CASS4: variants seen among roughly 807,000 people sequenced by gnomAD.
CASS4 encodes Cas scaffold protein family member 4.
Under a neutral mutation model 54.2 loss-of-function variants are expected in CASS4, and 22 were observed. The observed-to-expected ratio is 0.41, with a 90% CI of 0.29 to 0.58. The LOEUF (loss-of-function observed/expected upper bound fraction) is 0.58. Among genes scored for constraint, CASS4 ranks in the 20% least tolerant of loss-of-function variants. CASS4 has a pLI of 0.36. For missense variants in CASS4, 854 were observed against 986.7 expected (o/e 0.87, Z 1.80); for synonymous variants, 409 against 391.5 (o/e 1.04, Z -0.53).
chr20:56,450,466 A>G, intron 3 of CASS4, 133 bp from the exon 4 acceptor site: 5 of 792,636 alleles, frequency 6.3e-6, no homozygotes, highest in Non-Finnish European at 1.0e-5. Context: ...CAGCATCATG[A>G]CCAAAAGCAC....
At chr20:56,432,952 C>T (rs949901535) in intron 1 of CASS4, among the ~76,000 whole-genome samples, 1 of 152,214 alleles carries the variant, frequency 6.6e-6, no homozygotes, top group African/African-American at 2.4e-5. Context: ...TAGGAGCGCT[C>T]ATCCTGGTGT....
Position 56,430,357 on chromosome 20 carries a change from G to A in CASS4, c.37-6807G>A, listed in dbSNP as rs1434260750. On this transcript the variant is annotated intron_variant, in intron 1 of 5. Coordinates refer to ENST00000679887, the MANE Select transcript of CASS4 (RefSeq NM_020356.4). The surrounding 1 kb of genome is among the most constrained non-coding windows in gnomAD (Gnocchi z 4.2). Reference sequence around the variant, plus strand: ...CTGTTGTATGAAGATGGGCATTTGGGGGAAATGTCCTTTTTGGAAATCGTT... The same window carrying A: ...CTGTTGTATGAAGATGGGCATTTGGAGGAAATGTCCTTTTTGGAAATCGTT... Among the ~76,000 whole-genome samples, 1 of 152,120 alleles carries A rather than the reference G, an allele frequency of 6.6e-6. No individual in the cohort carries two copies.
In CASS4 at chr20:56,452,814, T is replaced by G; in HGVS notation, c.1638T>G (p.Val546=). The part of the protein sequence containing the change: ...SLDNRNWPLE[V]LVTDSVQNSP... ...ATAATCGCAATTGGCCTCTGGAAGT[T>G]CTTGTGACTGACAGTGTCCAGAACA... The change falls in exon 5 of 6, where the codon GTT becomes GTG. Residue 546 remains valine (V), a synonymous_variant. Transcript: ENST00000679887. The G allele has an allele frequency of 6.2e-7, 1 of 1,614,020 alleles. No individual in the cohort carries two copies. The highest frequency in any genetic ancestry group is 8.5e-7 in the Non-Finnish European group (1 of 1,180,008).
intron 1 of CASS4, among the ~76,000 whole-genome samples, chr20:56,428,442 T>A (rs1339865824): frequency 6.6e-6 from 1 of 152,180 alleles, no homozygotes; most frequent in Non-Finnish European, 1.5e-5. Flanking sequence ...CTATTAACGT[T>A]GAGTTTGCAA....
Position 56,452,973 on chromosome 20 carries a change from G to A in CASS4, c.1797G>A (p.Gln599=). The change falls in exon 5 of 6, where the codon CAG becomes CAA. Residue 599 remains glutamine, a synonymous_variant. Transcript: ENST00000679887. The part of the protein sequence containing the change: ...KRNCEKEETV[Q]LTPNAEFKCE... Reference sequence around the variant, plus strand: ...ACTGTGAAAAGGAAGAGACTGTGCAGTTGACCCCAAATGCAGAATTTAAGT... The same window carrying A: ...ACTGTGAAAAGGAAGAGACTGTGCAATTGACCCCAAATGCAGAATTTAAGT... The A allele has an allele frequency of 6.2e-7, 1 of 1,614,112 alleles. No homozygotes were observed.
chr20:56,439,872 C>T (rs1414668471), intron 2 of CASS4, among the ~76,000 whole-genome samples: 1 of 152,202 alleles, frequency 6.6e-6, no homozygotes, highest in African/African-American at 2.4e-5. Flanking sequence ...TTGCTTTCAG[C>T]TCCCATGACA....
At chr20:56,434,382 G>C (rs1980055749) in intron 1 of CASS4, among the ~76,000 whole-genome samples, 1 of 152,174 alleles carries the variant, frequency 6.6e-6, no homozygotes, top group Admixed American at 6.5e-5. Flanking sequence ...CCAAGCCACT[G>C]TTTTAAAGAA....
intron 1 of CASS4, among the ~76,000 whole-genome samples, chr20:56,422,750 A>T (rs147992661): frequency 6.6e-6 from 1 of 152,236 alleles, no homozygotes; most frequent in Admixed American, 6.5e-5. Flanking sequence ...GTTATCATGG[A>T]GAACCAGTTA....
intron 2 of CASS4, among the ~76,000 whole-genome samples, chr20:56,440,664 G>A (rs1179469197): frequency 1.3e-5 from 2 of 152,208 alleles, no homozygotes; most frequent in Non-Finnish European, 2.9e-5. Context: ...ACTGACATCC[G>A]TGTGAAAGGA....
At chr20:56,446,647 C>T (rs1980728236) in intron 3 of CASS4, among the ~76,000 whole-genome samples, 1 of 152,120 alleles carries the variant, frequency 6.6e-6, no homozygotes, top group South Asian at 2.1e-4. Context: ...TCCAAATGCT[C>T]TGCGGTGGCG....
intron 5 of CASS4, among the ~76,000 whole-genome samples, chr20:56,456,972 C>A (rs1464963942): frequency 1.3e-5 from 2 of 152,228 alleles, no homozygotes; most frequent in Non-Finnish European, 2.9e-5. Context: ...AGGTGTGGGT[C>A]ACTGCACTCA....
At position 56,458,758 on chromosome 20, in the gene CASS4, C is replaced by A. The variant is rs149315196; in HGVS notation, c.*11C>A. 12,859 of 1,576,166 alleles carry A rather than the reference C, an allele frequency of 8.2e-3. 75 individuals carry two copies. The highest frequency in any genetic ancestry group is 9.6e-3 in the Non-Finnish European group (11,061 of 1,157,346). ...GGGACACTGGGATGAGGACTGTCTA[C>A]CTCCCTTCCTCCTCTGCTCACCTCT... On this transcript the variant is annotated 3_prime_UTR_variant, in exon 6 of 6. Transcript: ENST00000679887.
intron 2 of CASS4, among the ~76,000 whole-genome samples, chr20:56,442,402 A>G (rs896423866): frequency 2.0e-5 from 3 of 151,768 alleles, no homozygotes; most frequent in African/African-American, 7.3e-5. Flanking sequence ...TCACCCCCCA[A>G]AACACAGCCC....
At chr20:56,458,014 CAAA>C (rs11355939) in intron 5 of CASS4, among the ~76,000 whole-genome samples, 5 of 76,528 alleles carry the variant, frequency 6.5e-5, no homozygotes, top group African/African-American at 5.7e-5. Flanking sequence ...AACTCTGTCT[CAAA>C]AAAAAAAAAA....
At chr20:56,441,798 G>GT (rs1980472623) in intron 2 of CASS4, among the ~76,000 whole-genome samples, 1 of 152,208 alleles carries the variant, frequency 6.6e-6, no homozygotes, top group South Asian at 2.1e-4. Context: ...TAGGGAGAAG[G>GT]TTGGACCCCA....
chr20:56,418,061 G>T (rs187673129), intron 1 of CASS4, among the ~76,000 whole-genome samples: 4 of 152,166 alleles, frequency 2.6e-5, no homozygotes, highest in African/African-American at 9.7e-5. Flanking sequence ...ATAGTTATTG[G>T]GCTCCGGGGG....
rs1296930089 is a variant in CASS4, at chr20:56,452,433, C to T, written c.1257C>T (p.Asp419=). The T allele has an allele frequency of 5.0e-6, 8 of 1,613,874 alleles. No homozygotes were observed. The highest frequency in any genetic ancestry group is 2.2e-5 in the South Asian group (2 of 91,080). ...IVSSCSTTST[D]DSSSSSSEES... ...CCTCGTGCTCCACCACATCCACCGA[C>T]GACTCCTCCAGCTCTTCCTCGGAGG... is the stretch of plus-strand genomic sequence containing the variant. Residue 419 remains aspartate, a synonymous_variant, in exon 5 of 6, where the codon GAC becomes GAT. Coordinates refer to ENST00000679887, the MANE Select transcript of CASS4 (RefSeq NM_020356.4).
intron 1 of CASS4, among the ~76,000 whole-genome samples, chr20:56,416,539 G>A (rs2146261146): frequency 6.6e-6 from 1 of 152,150 alleles, no homozygotes; most frequent in African/African-American, 2.4e-5. Flanking sequence ...GTGTGTGTGT[G>A]TGTGTGTGTG....
rs377023136 is a variant in CASS4, at chr20:56,453,063, T to C, written c.1887T>C (p.Thr629=). Residue 629 remains threonine, a synonymous_variant, in exon 5 of 6, where the codon ACT becomes ACC. Coordinates refer to ENST00000679887, the MANE Select transcript of CASS4 (RefSeq NM_020356.4). The part of the protein sequence containing the change: ...TESHQKSTPS[T]KQREDEHSSE... ...CACACCAAAAGAGTACCCCTTCCAC[T>C]AAGCAAAGGGAAGATGAACACTCTT... The C allele has an allele frequency of 2.8e-5, 46 of 1,614,048 alleles. No homozygotes were observed. In the East Asian group the frequency reaches 5.6e-4, roughly 20 times the overall value.
Sources: gnomAD v4.1 joint callset for allele counts (sites outside exome capture counted in the v4.1 genomes callset) on GRCh38, gnomAD v4.1.1 for gene constraint, Gnocchi (gnomAD v3.1) non-coding constraint, MANE v1.5 for transcripts, NCBI Gene and HGNC (gene_info 2026-07-23, HGNC 2026-07-21) for gene names.